The following AKR7A3 variants were observed in gnomAD, a reference collection of about 807,000 sequenced individuals.
AKR7A3 encodes AFB1 aldehyde reductase 2.
In AKR7A3, 37 loss-of-function variants were observed where a neutral mutation model predicts 32.5. That is an observed-to-expected ratio of 1.14 (90% CI 0.88 to 1.50). The LOEUF (loss-of-function observed/expected upper bound fraction) is 1.50, where lower values mean the gene tolerates loss of function less well. Among genes scored for constraint, AKR7A3 ranks in the 40% most tolerant of loss-of-function variants. AKR7A3 has a pLI of 0.00. For synonymous variants in AKR7A3, 177 were observed against 188.4 expected (o/e 0.94, Z 0.50); for missense variants, 412 against 453.2 (o/e 0.91, Z 0.83).
chr1:19,277,109 G>A, the AKR7A3 span, among the ~76,000 whole-genome samples: 11 of 151,434 alleles, frequency 7.3e-5, no homozygotes, highest in African/African-American at 1.5e-4. Flanking sequence ...GTGAGACTCC[G>A]TCTCAAAAAA....
downstream of AKR7A3, among the ~76,000 whole-genome samples, chr1:19,278,478 T>C (rs1324858867): frequency 1.3e-5 from 2 of 151,638 alleles, 1 homozygote; most frequent in African/African-American, 4.9e-5. Flanking sequence ...AGATAATTGG[T>C]TGAACCCAGG....
downstream of AKR7A3, among the ~76,000 whole-genome samples, chr1:19,281,758 T>A: frequency 6.6e-6 from 1 of 152,058 alleles, no homozygotes; most frequent in East Asian, 1.9e-4. Context: ...CCCAAGGCCC[T>A]GGAAGCCCAC....
Position 19,285,048 on chromosome 1 carries a change from G to C in AKR7A3, c.574C>G (p.Leu192Val). ...ELFPCLRHFG[L>V]RFYAFNPLAG... ...AGAGGGTTGAAGGCATAGAACCTCA[G>C]TCCAAAGTGCCTGAGGCAGGGGAAG... is the stretch of plus-strand genomic sequence containing the variant. Residue 192 changes from leucine to valine, a missense_variant, in exon 4 of 7, where the codon CTG (leucine) becomes GTG (valine). Leu to Val is a conservative substitution (Grantham distance 32). Transcript: ENST00000361640. 6.2e-7 allele frequency: 1 copy of C among 1,613,242 alleles called. No homozygotes were observed. The highest frequency in any genetic ancestry group is 8.5e-7 in the Non-Finnish European group (1 of 1,179,864).
chr1:19,278,772 C>T (rs1237133627), downstream of AKR7A3, among the ~76,000 whole-genome samples: 2 of 151,762 alleles, frequency 1.3e-5, no homozygotes, highest in African/African-American at 2.4e-5. Context: ...TCTATTTCCT[C>T]GCAAACCTCC....
rs1325309035 is a variant in AKR7A3 at position 19,288,667 on chromosome 1, C to G, written c.43G>C (p.Gly15Arg). 1.3e-6 allele frequency: 2 copies of G among 1,534,230 alleles called. No individual in the cohort carries two copies. Among genetic ancestry groups the G allele is most frequent in the Non-Finnish European group, 1.8e-6 (2 of 1,141,268 alleles). ...ATGCGGCGCCCCATCTCCATGGCGC[C>G]CAGCACCGTGGCTGGCCGGGCCCGC... ...LSRARPATVL[G>R]AMEMGRRMDA... Residue 15 changes from glycine (G) to arginine (R), a missense_variant, in exon 1 of 7, where the codon GGC becomes CGC. Coordinates refer to ENST00000361640, the MANE Select transcript of AKR7A3 (RefSeq NM_012067.3).
intron 1 of AKR7A3, 52 bp downstream of exon 1, chr1:19,288,444 G>T (rs987954734): frequency 3.1e-5 from 49 of 1,586,074 alleles, no homozygotes; most frequent in East Asian, 1.1e-4. Context: ...ACACGGCTGT[G>T]GACAGGCTCA....
At chr1:19,288,012 C>A (rs1052214035) in intron 1 of AKR7A3, among the ~76,000 whole-genome samples, 1 of 152,228 alleles carries the variant, frequency 6.6e-6, no homozygotes, top group African/African-American at 2.4e-5. Context: ...CCCGAGCAGG[C>A]TGGCATGTGC....
At chr1:19,287,394 C>A (rs79934678) in intron 1 of AKR7A3, among the ~76,000 whole-genome samples, 1 of 151,524 alleles carries the variant, frequency 6.6e-6, no homozygotes, top group Admixed American at 6.6e-5. Context: ...CTGGGATGCA[C>A]GCACAGGCCA....
chr1:19,284,965 G>A, intron 4 of AKR7A3, 53 bp downstream of exon 4: 1 of 1,609,446 alleles, frequency 6.2e-7, no homozygotes, highest in Non-Finnish European at 8.5e-7. Context: ...TCCTGGGCTG[G>A]GCATCTGTGG....
chr1:19,287,184 G>A (rs1458909820), intron 1 of AKR7A3, among the ~76,000 whole-genome samples: 1 of 151,348 alleles, frequency 6.6e-6, no homozygotes. Flanking sequence ...TGCTACTGTA[G>A]TAGTCCCAGC....
At chr1:19,275,096 T>C in the AKR7A3 span, among the ~76,000 whole-genome samples, 1 of 151,640 alleles carries the variant, frequency 6.6e-6, no homozygotes, top group South Asian at 2.1e-4. Flanking sequence ...TATTGAAATA[T>C]ATAAACAGAG....
At chr1:19,286,523 C>T in intron 1 of AKR7A3, 151 bp from the exon 2 acceptor site, 3 of 786,998 alleles carry the variant, frequency 3.8e-6, no homozygotes, top group Non-Finnish European at 6.1e-6. Flanking sequence ...CTAATAAAAA[C>T]ACAAAAATTA....
Position 19,282,699 on chromosome 1 carries a change from A to T in AKR7A3, c.*32T>A. The T allele has an allele frequency of 6.2e-7, 1 of 1,613,840 alleles. No homozygotes were observed. Among genetic ancestry groups the T allele is most frequent in the Non-Finnish European group, 8.5e-7 (1 of 1,180,032 alleles). On this transcript the variant is annotated 3_prime_UTR_variant, in exon 7 of 7. Coordinates refer to ENST00000361640, the MANE Select transcript of AKR7A3 (RefSeq NM_012067.3). The stretch of plus-strand genomic sequence containing the variant: ...ATGTGAGTAACAAAAGATGTTACAG[A>T]AGAGCCTTGGGCAGCCTGAGAAACG...
downstream of AKR7A3, among the ~76,000 whole-genome samples, chr1:19,281,123 C>T (rs116173133): frequency 0.028 from 4,273 of 151,368 alleles, 78 homozygotes; most frequent in South Asian, 0.053. Flanking sequence ...TCACTGCAAC[C>T]TTCATCTCCC....
chr1:19,283,002 G>A, intron 6 of AKR7A3, 110 bp from the exon 7 acceptor site: 2 of 1,363,180 alleles, frequency 1.5e-6, no homozygotes, highest in South Asian at 1.2e-5. Context: ...TATCCCATAT[G>A]TCCAGAAAGA....
Position 19,288,693 on chromosome 1 carries a change from G to C in AKR7A3, c.17C>G (p.Ser6Trp), listed in dbSNP as rs1026603595. 2.0e-6 allele frequency: 3 copies of C among 1,510,012 alleles called. No individual in the cohort carries two copies. In the East Asian group the frequency reaches 7.5e-5, roughly 38 times the overall value. The allele number at this position is 1,510,012 out of a possible 1,614,324, so 93.5% of individuals were successfully genotyped here. A position where few individuals can be genotyped will look rare whatever the true frequency, so the allele number is the denominator to read the frequency against. Residue 6 changes from serine (S) to tryptophan (W), a missense_variant, in exon 1 of 7, where the codon TCG (serine) becomes TGG (tryptophan). Coordinates refer to ENST00000361640, the MANE Select transcript of AKR7A3 (RefSeq NM_012067.3). ...CAGCACCGTGGCTGGCCGGGCCCGC[G>C]ACAGCTGCCGGGACATGACGGCGGC... Reference protein sequence around the residue: MSRQLSRARPATVLGA... With the variant: MSRQLWRARPATVLGA...
intron 6 of AKR7A3, 109 bp from the exon 7 acceptor site, chr1:19,283,001 T>C: frequency 7.2e-7 from 1 of 1,397,220 alleles, no homozygotes; most frequent in Non-Finnish European, 1.0e-6. Context: ...GTATCCCATA[T>C]GTCCAGAAAG....
rs774106347 is a variant in AKR7A3, at chr1:19,286,001, G to A, written c.403-9C>T. 1 of 1,613,704 alleles carries A rather than the reference G, an allele frequency of 6.2e-7. No individual in the cohort carries two copies. The stretch of plus-strand genomic sequence containing the variant: ...AGCTCCACGAACTTGCCCTGCTCAG[G>A]TGAGGCTCCAGTCAGAACATAGTGC... On this transcript the variant is annotated splice_polypyrimidine_tract_variant and intron_variant, in intron 2 of 6. Coordinates refer to ENST00000361640, the MANE Select transcript of AKR7A3 (RefSeq NM_012067.3).
chr1:19,285,206 A>T, intron 3 of AKR7A3, 92 bp from the exon 4 acceptor site: 1 of 1,226,146 alleles, frequency 8.2e-7, no homozygotes, highest in Non-Finnish European at 1.2e-6. Flanking sequence ...TCAGACCTTA[A>T]CAATTCTAGG....
Sources: gnomAD v4.1 joint callset for allele counts (sites outside exome capture counted in the v4.1 genomes callset) on GRCh38, gnomAD v4.1.1 for gene constraint, MANE v1.5 for transcripts, NCBI Gene and HGNC (gene_info 2026-07-23, HGNC 2026-07-21) for gene names.